The following RIPK1 variants were observed in gnomAD, a reference collection of about 807,000 sequenced individuals.
RIPK1 encodes receptor-interacting serine/threonine-protein kinase 1.
A neutral mutation model predicts 62.4 loss-of-function variants in RIPK1; 27 were observed. The observed-to-expected ratio is 0.43, with a 90% CI of 0.32 to 0.60. The LOEUF is 0.60. RIPK1 is among the 20% of genes least tolerant of loss of function. The probability of loss-of-function intolerance (pLI) is 0.07; values close to 1 mark genes in which losing one functional copy is unlikely to be tolerated. For synonymous variants in RIPK1, 287 were observed against 303.2 expected, an observed-to-expected ratio of 0.95 and a Z score of 0.55; for missense variants, 735 against 831.0, an observed-to-expected ratio of 0.88 and a Z score of 1.42.
chr6:3,074,518 G>A (rs926942566), intron 1 of RIPK1, among the ~76,000 whole-genome samples: 6 of 152,122 alleles, frequency 3.9e-5, no homozygotes, highest in South Asian at 4.1e-4. Flanking sequence ...TCCAACATAC[G>A]TTTTCATTTC....
chr6:3,077,457 T>G (rs201424066), intron 2 of RIPK1, among the ~76,000 whole-genome samples: 1 of 125,864 alleles, frequency 7.9e-6, no homozygotes, highest in Non-Finnish European at 1.6e-5. Flanking sequence ...AGAGAGGCTG[T>G]TTTTTTTTTT....
chr6:3,066,266 C>T (rs185903534), upstream of RIPK1, among the ~76,000 whole-genome samples: 85 of 152,300 alleles, frequency 5.6e-4, no homozygotes, highest in Middle Eastern at 3.4e-3. Flanking sequence ...TCAGGCAATC[C>T]GCCCGACTTG....
chr6:3,067,124 A>C (rs1031884674), upstream of RIPK1, among the ~76,000 whole-genome samples: 4 of 119,418 alleles, frequency 3.3e-5, no homozygotes, highest in African/African-American at 1.3e-4. Context: ...CATTGTATAG[A>C]TGTACCACAG....
chr6:3,085,393 C>T lies in RIPK1; in HGVS notation c.823C>T (p.Arg275Trp), dbSNP rs986420427. ...CTGCTGGGAAGCGAATCCGGAAGCT[C>T]GGCCGACATTTCCTGGTAAGAGCAT... ...KLCWEANPEA[R>W]PTFPGIEEKF... The change falls in exon 6 of 11, where the codon CGG (arginine) becomes TGG (tryptophan). Residue 275 changes from arginine to tryptophan, a missense_variant. Arg to Trp is a moderately radical substitution (Grantham distance 101). This residue lies in a region of RIPK1 where 671 missense variants were observed against 726.2 expected (regional missense o/e 0.92). Coordinates refer to ENST00000259808, the MANE Select transcript of RIPK1 (RefSeq NM_001354930.2). 1.3e-5 allele frequency: 21 copies of T among 1,614,034 alleles called. No individual in the cohort carries two copies. The highest frequency in any genetic ancestry group is 1.8e-5 in the Non-Finnish European group (21 of 1,180,028).
chr6:3,078,111 T>C (rs1561749863), intron 3 of RIPK1, among the ~76,000 whole-genome samples, 176 bp downstream of exon 3: 1 of 152,236 alleles, frequency 6.6e-6, no homozygotes, highest in Non-Finnish European at 1.5e-5. Context: ...TTGCCCAGGC[T>C]GAACTCCAAC....
At chr6:3,081,182 C>G in intron 4 of RIPK1, 66 bp downstream of exon 4, 1 of 1,556,678 alleles carries the variant, frequency 6.4e-7, no homozygotes, top group South Asian at 1.1e-5. Context: ...CAATGTAAAT[C>G]CATTCTCGTA....
At chr6:3,090,781 AGT>A (rs1760022256) in intron 7 of RIPK1, among the ~76,000 whole-genome samples, 1 of 147,738 alleles carries the variant, frequency 6.8e-6, no homozygotes, top group African/African-American at 2.6e-5. Flanking sequence ...TGCCGCACCT[AGT>A]AACCGCAGAG....
chr6:3,105,359 G>T lies in RIPK1; in HGVS notation c.1007-123G>T. The T allele has an allele frequency of 4.1e-6, 3 of 732,660 alleles. No homozygotes were observed. The highest frequency in any genetic ancestry group is 2.0e-5 in the South Asian group (1 of 50,874). The allele number at this position is 732,660 out of a possible 1,614,324, so 45.4% of individuals were successfully genotyped here. On this transcript the variant is annotated intron_variant, in intron 8 of 10. Transcript: ENST00000259808. This position sits in a 1 kb window ranked among gnomAD's most constrained non-coding sequence, Gnocchi z 4.5. ...AGAGGACCATCTCCTAAATGCTTTGGACTGGTCTCGTACTTGTTTTCTGTG... is the reference window on the plus strand; with the variant it reads ...AGAGGACCATCTCCTAAATGCTTTGTACTGGTCTCGTACTTGTTTTCTGTG...
At chr6:3,087,730 G>A (rs7765724) in intron 6 of RIPK1, among the ~76,000 whole-genome samples, 53,045 of 151,408 alleles carry the variant, frequency 0.35, 9,502 homozygotes, top group Middle Eastern at 0.46. Flanking sequence ...TAGTAGAGAC[G>A]GGGTTTCACC....
chr6:3,112,319 C>T (rs1191629600), intron 10 of RIPK1, among the ~76,000 whole-genome samples: 2 of 152,074 alleles, frequency 1.3e-5, no homozygotes, highest in African/African-American at 2.4e-5. Flanking sequence ...AGGAGTTGAG[C>T]GGCTTTAACT....
chr6:3,098,629 A>C (rs950207622), intron 7 of RIPK1, among the ~76,000 whole-genome samples: 2 of 152,248 alleles, frequency 1.3e-5, no homozygotes, highest in African/African-American at 2.4e-5. Flanking sequence ...CTGACTCTTA[A>C]GTTACACAAA....
chr6:3,094,018 C>T lies in RIPK1; in HGVS notation c.915+4361C>T, dbSNP rs376179074. Among the ~76,000 whole-genome samples the T allele has an allele frequency of 5.1e-3, 527 of 103,328 alleles. 27 individuals carry two copies. Among genetic ancestry groups the T allele is most frequent in the African/African-American group, 0.051 (491 of 9,654 alleles). The allele number at this position is 103,328 out of a possible 152,430, so 67.8% of individuals were successfully genotyped here. ...CCTGCCGCACCTAGTAACTGCAGCG[C>T]GCCTACCTGCCGCACCTAGTAACTG... On this transcript the variant is annotated intron_variant, in intron 7 of 10. Coordinates refer to ENST00000259808, the MANE Select transcript of RIPK1 (RefSeq NM_001354930.2).
chr6:3,079,419 CAT>C (rs1404779323), intron 3 of RIPK1, among the ~76,000 whole-genome samples: 28 of 152,182 alleles, frequency 1.8e-4, no homozygotes, highest in Admixed American at 1.7e-3. Context: ...AGGGAGTACA[CAT>C]GAGAGGCACC....
Position 3,077,735 on chromosome 6 carries a change from C to G in RIPK1, c.165-44C>G, listed in dbSNP as rs543386685. On this transcript the variant is annotated intron_variant, in intron 2 of 10. Transcript: ENST00000259808. ...GGAGGTGTGCACCAGGCTCTTGAGG[C>G]GCTGGCTCTGCCAGCCTCAGCATAG... 22 of 1,602,510 alleles carry G rather than the reference C, an allele frequency of 1.4e-5. No homozygotes were observed. The African/African-American group carries it at 1.9e-4, about 14-fold the overall frequency.
At chr6:3,077,296 C>G (rs913528771) in intron 2 of RIPK1, among the ~76,000 whole-genome samples, 1 of 152,208 alleles carries the variant, frequency 6.6e-6, no homozygotes, top group African/African-American at 2.4e-5. Context: ...TGAAGACAGA[C>G]CTATTCACTC....
At chr6:3,090,204 G>C (rs936344906) in intron 7 of RIPK1, among the ~76,000 whole-genome samples, 10 of 152,108 alleles carry the variant, frequency 6.6e-5, no homozygotes, top group Non-Finnish European at 1.0e-4. Context: ...ATCTGCCCAA[G>C]ACTGAAGCAA....
intron 6 of RIPK1, among the ~76,000 whole-genome samples, chr6:3,085,980 T>C (rs1180343666): frequency 6.6e-6 from 1 of 152,254 alleles, no homozygotes; most frequent in Non-Finnish European, 1.5e-5. Context: ...ATTTTGTTTA[T>C]CCATTCGTCC....
At chr6:3,067,051 ATTTT>A (rs36132424), upstream of RIPK1, among the ~76,000 whole-genome samples, 34 of 59,050 alleles carry the variant, frequency 5.8e-4, no homozygotes, top group East Asian at 5.0e-3. Context: ...TTGCTCCAGG[ATTTT>A]TTTTTTTTTT....
At chr6:3,071,351 A>AT (rs1418214084) in intron 1 of RIPK1, among the ~76,000 whole-genome samples, 1 of 152,232 alleles carries the variant, frequency 6.6e-6, no homozygotes, top group Admixed American at 6.5e-5. Flanking sequence ...ATTCCTTGAG[A>AT]TTTCACATTA....
Sources: gnomAD v4.1 joint callset for allele counts (sites outside exome capture counted in the v4.1 genomes callset) on GRCh38, gnomAD v4.1.1 for gene constraint, gnomAD v4.1.1 regional missense constraint, Gnocchi (gnomAD v3.1) non-coding constraint, MANE v1.5 for transcripts, NCBI Gene and HGNC (gene_info 2026-07-23, HGNC 2026-07-21) for gene names.